SLC68A1: variants seen among roughly 807,000 people sequenced by gnomAD.
SLC68A1 encodes major facilitator superfamily domain containing 13A.
chr10:102,472,984 G>A, the SLC68A1 span: 1 of 1,508,266 alleles, frequency 6.6e-7, no homozygotes, highest in Non-Finnish European at 9.2e-7. Flanking sequence ...CATGCAAGCT[G>A]GAAGGAGAGA....
the SLC68A1 span, among the ~76,000 whole-genome samples, chr10:102,470,339 C>T: frequency 6.6e-6 from 1 of 152,154 alleles, no homozygotes; most frequent in African/African-American, 2.4e-5. Flanking sequence ...TGCAAACACC[C>T]TCTGCTGCTT....
chr10:102,472,106 T>G, the SLC68A1 span: 1 of 449,156 alleles, frequency 2.2e-6, no homozygotes, highest in East Asian at 7.1e-5. Context: ...GAGGCTGCAA[T>G]GAGTTATGAT....
At chr10:102,476,156 C>A in the SLC68A1 span, 1 of 1,191,762 alleles carries the variant, frequency 8.4e-7, no homozygotes, top group Non-Finnish European at 1.1e-6. Context: ...CTGAAACCAC[C>A]ACCCAGGTTC....
At chr10:102,474,809 G>T in the SLC68A1 span, among the ~76,000 whole-genome samples, 1 of 151,914 alleles carries the variant, frequency 6.6e-6, no homozygotes, top group Admixed American at 6.6e-5. Context: ...ACCATGCCTG[G>T]GTAACTTTTT....
the SLC68A1 span, among the ~76,000 whole-genome samples, chr10:102,467,373 G>C: frequency 2.6e-5 from 4 of 152,194 alleles, no homozygotes; most frequent in African/African-American, 9.6e-5. Flanking sequence ...CAGAAAAGCA[G>C]TGTCGAGGGA....
chr10:102,469,205 C>T, the SLC68A1 span: 1 of 1,613,572 alleles, frequency 6.2e-7, no homozygotes, highest in South Asian at 1.1e-5. Flanking sequence ...GAGGTAGGGC[C>T]AGTGCTGGGT....
chr10:102,473,073 GC>G, the SLC68A1 span: 1 of 794,096 alleles, frequency 1.3e-6, no homozygotes, highest in South Asian at 1.5e-5. Flanking sequence ...TGATCCACCT[GC>G]CTCTGCCTCC....
chr10:102,464,732 G>A, the SLC68A1 span, among the ~76,000 whole-genome samples: 1 of 141,860 alleles, frequency 7.0e-6, no homozygotes, highest in African/African-American at 2.6e-5. Context: ...AGAGGTTGCA[G>A]TAAGCCGAGA....
chr10:102,469,875 G>C, the SLC68A1 span: 13 of 1,459,678 alleles, frequency 8.9e-6, no homozygotes, highest in South Asian at 1.1e-4. Flanking sequence ...CACCAGCAAA[G>C]GTTTGCAGGT....
the SLC68A1 span, chr10:102,473,624 G>C: frequency 1.2e-6 from 2 of 1,613,894 alleles, no homozygotes; most frequent in Admixed American, 1.7e-5. Context: ...TCCCTGTGCC[G>C]GCGCTGGGGC....
the SLC68A1 span, chr10:102,470,117 C>T: frequency 6.4e-7 from 1 of 1,568,880 alleles, no homozygotes; most frequent in Admixed American, 1.7e-5. Flanking sequence ...TCAGTCCCAC[C>T]CTACTGCTAC....
chr10:102,468,951 C>T, the SLC68A1 span: 1 of 1,308,288 alleles, frequency 7.6e-7, no homozygotes, highest in Non-Finnish European at 1.1e-6. Flanking sequence ...TCCTTCTTCC[C>T]CAGGGACGAG....
At chr10:102,462,038 GA>G in the SLC68A1 span, 1 of 152,264 alleles carries the variant, frequency 6.6e-6, no homozygotes, top group Non-Finnish European at 1.5e-5. Context: ...GTCCTGAGGT[GA>G]AGCTGTCGCC....
chr10:102,473,749 C>G, the SLC68A1 span: 1 of 1,610,656 alleles, frequency 6.2e-7, no homozygotes. Flanking sequence ...CAGGTATGCC[C>G]CTGCCCACGC....
chr10:102,462,081 GAAGGTCCCCATCTCAAC>G, the SLC68A1 span: 3 of 152,350 alleles, frequency 2.0e-5, no homozygotes, highest in African/African-American at 7.2e-5. Flanking sequence ...GGGAGAGGGA[GAAGGTCCCCATCTCAAC>G]AAGTTGAAAG....
the SLC68A1 span, chr10:102,474,137 A>G: frequency 1.1e-6 from 1 of 950,624 alleles, no homozygotes; most frequent in South Asian, 1.8e-5. Flanking sequence ...TCCCCTCAAC[A>G]TGGCTAGAGT....
chr10:102,469,206 A>G, the SLC68A1 span: 2 of 1,604,624 alleles, frequency 1.2e-6, no homozygotes, highest in African/African-American at 2.7e-5. Flanking sequence ...AGGTAGGGCC[A>G]GTGCTGGGTG....
the SLC68A1 span, among the ~76,000 whole-genome samples, chr10:102,462,319 A>G: frequency 1.3e-5 from 2 of 152,238 alleles, no homozygotes; most frequent in African/African-American, 4.8e-5. Context: ...GGATAGGCAG[A>G]GAATGGAATT....
chr10:102,477,032 T>C, the SLC68A1 span: 3 of 985,506 alleles, frequency 3.0e-6, no homozygotes, highest in Non-Finnish European at 3.6e-6. Context: ...AAGTCAGCCA[T>C]TCTTTTTCCT....
Sources: gnomAD v4.1 joint callset for allele counts (sites outside exome capture counted in the v4.1 genomes callset) on GRCh38, gnomAD v4.1.1 for gene constraint, MANE v1.5 for transcripts, NCBI Gene and HGNC (gene_info 2026-07-23, HGNC 2026-07-21) for gene names.